The following ZRANB3 variants were observed in gnomAD, a reference collection of about 807,000 sequenced individuals.
The protein encoded by ZRANB3 is zinc finger RANBP2-type containing 3.
Under a neutral mutation model 133.8 loss-of-function variants are expected in ZRANB3, and 125 were observed. The observed-to-expected ratio is 0.93, with a 90% CI of 0.81 to 1.08. The LOEUF is 1.08. Among genes scored for constraint, ZRANB3 ranks in the 50% least tolerant of loss-of-function variants. ZRANB3 has a pLI of 0.00. For missense variants in ZRANB3, 1,229 were observed against 1,275.5 expected (o/e 0.96, Z 0.56); for synonymous variants, 387 against 432.7 (o/e 0.89, Z 1.31).
intron 2 of ZRANB3, among the ~76,000 whole-genome samples, chr2:135,403,452 C>T (rs1275316648): frequency 6.6e-6 from 1 of 152,242 alleles, no homozygotes; most frequent in Non-Finnish European, 1.5e-5. Context: ...ACAAACCAGC[C>T]TGGAAGCTCC....
chr2:135,304,827 T>C (rs1429122021), intron 8 of ZRANB3, among the ~76,000 whole-genome samples: 1 of 152,156 alleles, frequency 6.6e-6, no homozygotes. Context: ...TTGTTAATGA[T>C]ATTCTCTTAT....
chr2:135,406,588 C>A (rs1234413223), intron 2 of ZRANB3, among the ~76,000 whole-genome samples: 7 of 152,138 alleles, frequency 4.6e-5, no homozygotes, highest in African/African-American at 1.7e-4. Flanking sequence ...TACTGGCAAA[C>A]CGAATCCAGC....
At chr2:135,206,952 G>T (rs1157072064) in intron 19 of ZRANB3, among the ~76,000 whole-genome samples, 4 of 152,064 alleles carry the variant, frequency 2.6e-5, no homozygotes, top group Non-Finnish European at 4.4e-5. Context: ...ATCACCTGAG[G>T]TCAGGGGTTC....
chr2:135,377,363 T>C (rs936358951), intron 3 of ZRANB3, among the ~76,000 whole-genome samples: 1 of 152,114 alleles, frequency 6.6e-6, no homozygotes, highest in African/African-American at 2.4e-5. Context: ...CCTGGAGAAA[T>C]GGAGCACCCA....
chr2:135,275,759 A>T lies in ZRANB3; in HGVS notation c.967-4T>A, dbSNP rs777174244. 1 of 1,555,122 alleles carries T rather than the reference A, an allele frequency of 6.4e-7. No homozygotes were observed. Among genetic ancestry groups the T allele is most frequent in the Non-Finnish European group, 8.7e-7 (1 of 1,150,568 alleles). ...TATAATCCTTTACAGCACCTGCCTA[A>T]ATATTAAAAGGTAAACCTTATTAGT... On this transcript the variant is annotated splice_polypyrimidine_tract_variant and splice_region_variant and intron_variant, in intron 8 of 20. Transcript: ENST00000264159.
At chr2:135,491,871 C>G (rs1455938679) in intron 2 of ZRANB3, among the ~76,000 whole-genome samples, 1 of 151,862 alleles carries the variant, frequency 6.6e-6, no homozygotes, top group African/African-American at 2.4e-5. Context: ...CAAAGGTGAA[C>G]ATCAAAAAAA....
intron 12 of ZRANB3, among the ~76,000 whole-genome samples, chr2:135,244,016 GAAT>G (rs931992603): frequency 1.4e-5 from 2 of 148,142 alleles, no homozygotes; most frequent in South Asian, 2.1e-4. Context: ...CATCTACACT[GAAT>G]AATGTTTAAA....
At chr2:135,478,749 T>G (rs1272759726) in intron 2 of ZRANB3, among the ~76,000 whole-genome samples, 1 of 152,002 alleles carries the variant, frequency 6.6e-6, no homozygotes, top group Non-Finnish European at 1.5e-5. Context: ...ACAGCTGAAG[T>G]TAACTATTAT....
chr2:135,350,473 G>A (rs1274993426), intron 4 of ZRANB3, among the ~76,000 whole-genome samples: 1 of 152,192 alleles, frequency 6.6e-6, no homozygotes, highest in African/African-American at 2.4e-5. Flanking sequence ...CATCCAGCAA[G>A]CCACATTAGT....
intron 8 of ZRANB3, among the ~76,000 whole-genome samples, chr2:135,277,999 A>G (rs1680924072): frequency 6.6e-6 from 1 of 152,016 alleles, no homozygotes; most frequent in Non-Finnish European, 1.5e-5. Flanking sequence ...AGGGCAATAT[A>G]TGAAAATATA....
At chr2:135,463,893 C>T (rs1285331475) in intron 2 of ZRANB3, among the ~76,000 whole-genome samples, 1 of 152,166 alleles carries the variant, frequency 6.6e-6, no homozygotes, top group Non-Finnish European at 1.5e-5. Context: ...TTCAGACAAT[C>T]AAGTACATTG....
At chr2:135,261,039 C>G (rs939200134) in intron 12 of ZRANB3, among the ~76,000 whole-genome samples, 2 of 149,574 alleles carry the variant, frequency 1.3e-5, no homozygotes, top group African/African-American at 4.9e-5. Context: ...GAAATATCCA[C>G]AAGCTGTTAA....
At position 135,296,556 on chromosome 2, in the gene ZRANB3, T is replaced by G. The variant is rs142317724; in HGVS notation, c.966+16933A>C. 7.3e-3 allele frequency among the ~76,000 whole-genome samples: 1,117 copies of G among 152,298 alleles called. 12 individuals are homozygous for G. Among genetic ancestry groups the G allele is most frequent in the African/African-American group, 0.025 (1,058 of 41,570 alleles). ...TCCTTTAGCTCTGAGTAGTTTGATC[T>G]TCTGAAGCCTTCTTCTCTCAACTCG... On this transcript the variant is annotated intron_variant, in intron 8 of 20. Coordinates refer to ENST00000264159, the MANE Select transcript of ZRANB3 (RefSeq NM_032143.4).
intron 1 of ZRANB3, among the ~76,000 whole-genome samples, chr2:135,526,985 T>C (rs1476349663): frequency 6.6e-6 from 1 of 152,184 alleles, no homozygotes; most frequent in African/African-American, 2.4e-5. Context: ...AGTCCCCACT[T>C]TGAGTTGTCC....
At chr2:135,340,772 C>CAATTTCACTTCTATAACTTTATCTTAGAT (rs1558928847) in intron 6 of ZRANB3, among the ~76,000 whole-genome samples, 1 of 150,990 alleles carries the variant, frequency 6.6e-6, no homozygotes, top group African/African-American at 2.5e-5. Context: ...AGGAGAATTG[C>CAATTTCACTTCTATAACTTTATCTTAGAT]TTGAACCTAG....
intron 10 of ZRANB3, 107 bp downstream of exon 10, chr2:135,271,661 G>C: frequency 8.0e-7 from 1 of 1,246,232 alleles, no homozygotes; most frequent in South Asian, 1.6e-5. Context: ...ATTATACAAG[G>C]CATCCAGATA....
intron 1 of ZRANB3, among the ~76,000 whole-genome samples, chr2:135,529,887 C>G (rs1045950141): frequency 5.3e-5 from 8 of 151,580 alleles, no homozygotes; most frequent in African/African-American, 1.9e-4. Context: ...ATCCTTCAAA[C>G]AGAAAAGCCC....
chr2:135,410,858 T>C (rs1169800373), intron 2 of ZRANB3, among the ~76,000 whole-genome samples: 1 of 151,966 alleles, frequency 6.6e-6, no homozygotes, highest in Non-Finnish European at 1.5e-5. Flanking sequence ...CATGAAAAAA[T>C]GCTCAACATC....
chr2:135,274,539 A>C (rs1200943546), intron 9 of ZRANB3, among the ~76,000 whole-genome samples: 3 of 152,236 alleles, frequency 2.0e-5, no homozygotes, highest in Admixed American at 6.5e-5. Context: ...TCCAGGAACA[A>C]AAATAAAATT....
Sources: gnomAD v4.1 joint callset for allele counts (sites outside exome capture counted in the v4.1 genomes callset) on GRCh38, gnomAD v4.1.1 for gene constraint, MANE v1.5 for transcripts, NCBI Gene and HGNC (gene_info 2026-07-23, HGNC 2026-07-21) for gene names.